The following SNX13 variants were observed in gnomAD, a reference collection of about 807,000 sequenced individuals.
SNX13 encodes the protein sorting nexin 13, also known as sorting nexin-13.
Under a neutral mutation model 133.6 loss-of-function variants are expected in SNX13, and 45 were observed. That is an observed-to-expected ratio of 0.34 (90% confidence interval 0.27 to 0.43). The LOEUF (loss-of-function observed/expected upper bound fraction) is 0.43, where lower values mean the gene tolerates loss of function less well. Among genes scored for constraint, SNX13 ranks in the 20% least tolerant of loss-of-function variants. The pLI, the probability that SNX13 is intolerant of heterozygous loss-of-function variation, is 1.00. For missense variants in SNX13, 1,032 were observed against 1,145.1 expected, an observed-to-expected ratio of 0.90 and a Z score of 1.43; for synonymous variants, 414 against 373.9, an observed-to-expected ratio of 1.11 and a Z score of -1.24.
intron 13 of SNX13, among the ~76,000 whole-genome samples, chr7:17,837,380 T>G (rs1789260389): frequency 6.6e-6 from 1 of 152,040 alleles, no homozygotes; most frequent in Non-Finnish European, 1.5e-5. Flanking sequence ...CCTCAAGGAA[T>G]CCTCCCACCT....
chr7:17,874,772 T>C (rs1259203585), intron 7 of SNX13, among the ~76,000 whole-genome samples: 1 of 152,196 alleles, frequency 6.6e-6, no homozygotes, highest in Non-Finnish European at 1.5e-5. Flanking sequence ...ACTGGGAAGA[T>C]AACGTCCTCA....
intron 20 of SNX13, among the ~76,000 whole-genome samples, chr7:17,807,036 G>A (rs185879100): frequency 2.0e-5 from 3 of 152,264 alleles, no homozygotes; most frequent in East Asian, 3.9e-4. Flanking sequence ...CGGCCGTTTG[G>A]ACAGACACCA....
At chr7:17,923,526 G>C (rs968810252) in intron 1 of SNX13, among the ~76,000 whole-genome samples, 1 of 152,134 alleles carries the variant, frequency 6.6e-6, no homozygotes, top group African/African-American at 2.4e-5. Flanking sequence ...ATAATTCTTA[G>C]ACCTGGAGTG....
At chr7:17,822,335 T>G (rs74497978) in intron 17 of SNX13, among the ~76,000 whole-genome samples, 10,956 of 152,186 alleles carry the variant, frequency 0.072, 492 homozygotes, top group South Asian at 0.15. Flanking sequence ...TTTCTCTAAC[T>G]TGTCTTTCTG....
At chr7:17,921,358 C>T (rs1315461387) in intron 1 of SNX13, among the ~76,000 whole-genome samples, 1 of 152,172 alleles carries the variant, frequency 6.6e-6, no homozygotes, top group East Asian at 1.9e-4. Flanking sequence ...CTGTACTGTT[C>T]TTGCTTTTTC....
intron 18 of SNX13, among the ~76,000 whole-genome samples, chr7:17,818,865 G>A (rs538227675): frequency 4.6e-5 from 7 of 152,128 alleles, no homozygotes; most frequent in African/African-American, 1.7e-4. Context: ...GTTTAATATG[G>A]TGCATATTTT....
At chr7:17,877,157 T>C (rs1440094687) in intron 5 of SNX13, among the ~76,000 whole-genome samples, 2 of 150,494 alleles carry the variant, frequency 1.3e-5, no homozygotes, top group Non-Finnish European at 3.0e-5. Flanking sequence ...GTTGTATACA[T>C]GAAACTAAAG....
At chr7:17,822,243 C>T (rs1375501939) in intron 17 of SNX13, among the ~76,000 whole-genome samples, 2 of 151,854 alleles carry the variant, frequency 1.3e-5, no homozygotes, top group East Asian at 1.9e-4. Context: ...TGCCACATAC[C>T]AAGCAAGTCA....
intron 15 of SNX13, chr7:17,831,774 C>A: frequency 1.3e-5 from 13 of 983,616 alleles, no homozygotes; most frequent in Non-Finnish European, 1.6e-5. Flanking sequence ...AGTCAGAAAA[C>A]TAATTTATAA....
At chr7:17,853,925 A>G (rs1177008945) in intron 9 of SNX13, among the ~76,000 whole-genome samples, 1 of 152,112 alleles carries the variant, frequency 6.6e-6, no homozygotes, top group Non-Finnish European at 1.5e-5. Flanking sequence ...TGCGCGACAG[A>G]GCGAGAATCC....
At chr7:17,893,034 A>G (rs1796802564) in intron 3 of SNX13, among the ~76,000 whole-genome samples, 1 of 152,192 alleles carries the variant, frequency 6.6e-6, no homozygotes, top group Non-Finnish European at 1.5e-5. Flanking sequence ...TAAAAATCAT[A>G]TGCATGATGC....
At chr7:17,861,411 C>T (rs535106638) in intron 9 of SNX13, among the ~76,000 whole-genome samples, 51 of 151,854 alleles carry the variant, frequency 3.4e-4, no homozygotes, top group Non-Finnish European at 6.2e-4. Context: ...TAATTCGCAG[C>T]CCACACCAGG....
intron 18 of SNX13, 41 bp downstream of exon 18, chr7:17,821,468 A>G: frequency 6.5e-7 from 1 of 1,527,020 alleles, no homozygotes; most frequent in Non-Finnish European, 8.9e-7. Context: ...AATCAAATCA[A>G]GAAACAACAT....
At position 17,940,268 on chromosome 7, in the gene SNX13, CA is replaced by C. The variant is rs774314560; in HGVS notation, c.12+15del. The C allele has an allele frequency of 9.0e-6, 14 of 1,558,522 alleles. No individual in the cohort carries two copies. Among genetic ancestry groups the C allele is most frequent in the Non-Finnish European group, 1.2e-5 (14 of 1,151,050 alleles). ...CCCCATTTCACAGGTAAACACTGGC[CA>C]CCGTCGCCGCTTACCTCAGTTAACA... On this transcript the variant is annotated intron_variant, in intron 1 of 25. Transcript: ENST00000428135.
At chr7:17,841,118 ACTGCTGCTT>A (rs1789818174) in intron 12 of SNX13, among the ~76,000 whole-genome samples, 1 of 152,096 alleles carries the variant, frequency 6.6e-6, no homozygotes, top group Non-Finnish European at 1.5e-5. Context: ...CTGACAGCAC[ACTGCTGCTT>A]CTGATCAAAG....
intron 2 of SNX13, among the ~76,000 whole-genome samples, chr7:17,895,774 A>G (rs996684994): frequency 3.9e-5 from 6 of 152,320 alleles, no homozygotes; most frequent in African/African-American, 9.6e-5. Context: ...AAAAATTAAT[A>G]AACTGATTAC....
chr7:17,801,009 CATAT>C (rs71010273), intron 22 of SNX13, among the ~76,000 whole-genome samples: 69 of 120,062 alleles, frequency 5.7e-4, no homozygotes, highest in South Asian at 1.2e-3. Context: ...TAAAACTGAA[CATAT>C]ATATATATAT....
intron 7 of SNX13, among the ~76,000 whole-genome samples, chr7:17,875,116 C>T (rs1794570002): frequency 6.6e-6 from 1 of 152,024 alleles, no homozygotes; most frequent in Non-Finnish European, 1.5e-5. Flanking sequence ...CGGTGATTCT[C>T]CCACCTCAGC....
intron 8 of SNX13, among the ~76,000 whole-genome samples, chr7:17,872,770 G>C (rs1794263195): frequency 6.6e-6 from 1 of 152,146 alleles, no homozygotes; most frequent in Non-Finnish European, 1.5e-5. Context: ...ATAAGCTTTT[G>C]TTTTTAGGAA....
Sources: gnomAD v4.1 joint callset for allele counts (sites outside exome capture counted in the v4.1 genomes callset) on GRCh38, gnomAD v4.1.1 for gene constraint, MANE v1.5 for transcripts, NCBI Gene and HGNC (gene_info 2026-07-23, HGNC 2026-07-21) for gene names.